Variants in DOCK7 observed in about 807,000 individuals in gnomAD.
DOCK7 encodes the protein dedicator of cytokinesis protein 7.
A neutral mutation model predicts 271.0 loss-of-function variants in DOCK7; 138 were observed. The ratio of observed to expected loss-of-function variants is 0.51; its 90% CI spans 0.44 to 0.59. DOCK7 has a LOEUF of 0.59. DOCK7 is among the 20% of genes least tolerant of loss of function. The pLI is 0.00. For missense variants in DOCK7, 2,066 were observed against 2,592.4 expected, an observed-to-expected ratio of 0.80 and a Z score of 4.41; for synonymous variants, 823 against 876.1, an observed-to-expected ratio of 0.94 and a Z score of 1.07.
In DOCK7 at chr1:62,604,533, G is replaced by GT. The variant is rs1367899596; in HGVS notation, c.1682+14172dup. 5 of 1,263,200 alleles carry GT rather than the reference G, an allele frequency of 4.0e-6. No homozygotes were observed. In the East Asian group the frequency reaches 1.2e-4, roughly 30 times the overall value. 78.2% of individuals were successfully genotyped at this position (1,263,200 alleles called of 1,614,324 possible). On this transcript the variant is annotated intron_variant, in intron 14 of 49. Coordinates refer to ENST00000635253, the MANE Select transcript of DOCK7 (RefSeq NM_001367561.1). ...CTGGGATACATGCATCTAAAACACT[G>GT]TAATATTTATAAGAAAGGAAGATAA...
intron 21 of DOCK7, among the ~76,000 whole-genome samples, chr1:62,553,342 ATATATATATATATTTTTT>A (rs1646001220): frequency 1.2e-4 from 4 of 33,010 alleles, no homozygotes; most frequent in Non-Finnish European, 2.5e-4. Context: ...ATATATATAT[ATATATATATATATTTTTT>A]TTTTTTTTTT....
rs770667571 is a variant in DOCK7, at chr1:62,636,571, C to G, written c.851G>C (p.Ser284Thr). ...TTCCTTGACATCATATAAAGCCAAACTTGCAAAAATGGGTTCAATTTCAAT... is the reference window on the plus strand; with the variant it reads ...TTCCTTGACATCATATAAAGCCAAAGTTGCAAAAATGGGTTCAATTTCAAT... The part of the protein sequence containing the change: ...FEIEIEPIFA[S>T]LALYDVKEKK... The change falls in exon 8 of 50, where the codon AGT becomes ACT. Residue 284 changes from serine (S) to threonine (T), a missense_variant. By Grantham distance (58) the Ser-to-Thr change is moderately conservative (BLOSUM62 1). This residue lies in a region of DOCK7 where 1,414 missense variants were observed against 1,670.4 expected (regional missense o/e 0.85). Transcript: ENST00000635253. The G allele has an allele frequency of 1.2e-6, 2 of 1,603,040 alleles. No homozygotes were observed. Among genetic ancestry groups the G allele is most frequent in the South Asian group, 2.2e-5 (2 of 89,248 alleles).
chr1:62,629,589 G>A (rs1189476723), intron 11 of DOCK7: 1 of 152,178 alleles, frequency 6.6e-6, no homozygotes, highest in Non-Finnish European at 1.5e-5. Flanking sequence ...AAGACTCTGG[G>A]GGAATGAGGA....
intron 14 of DOCK7, chr1:62,598,059 A>G (rs550972659): frequency 1.3e-6 from 2 of 1,580,958 alleles, no homozygotes; most frequent in East Asian, 2.3e-5. Flanking sequence ...AACTTCACTT[A>G]AAGTAAGTAG....
intron 48 of DOCK7, among the ~76,000 whole-genome samples, chr1:62,464,194 G>A (rs1645610001): frequency 6.6e-6 from 1 of 151,752 alleles, no homozygotes; most frequent in Non-Finnish European, 1.5e-5. Flanking sequence ...CGAGTAGCTA[G>A]GATTACAGGC....
chr1:62,629,767 T>C (rs1222462043), intron 11 of DOCK7: 1 of 152,178 alleles, frequency 6.6e-6, no homozygotes, highest in Non-Finnish European at 1.5e-5. Context: ...ACACGTTGTA[T>C]AACAAATCAA....
chr1:62,613,054 A>C (rs1048110358), intron 14 of DOCK7, among the ~76,000 whole-genome samples: 1 of 152,228 alleles, frequency 6.6e-6, no homozygotes, highest in African/African-American at 2.4e-5. Flanking sequence ...GTGGTGATCA[A>C]GTAAAAATTT....
intron 13 of DOCK7, among the ~76,000 whole-genome samples, chr1:62,619,241 G>A (rs1323697914): frequency 2.0e-5 from 3 of 152,092 alleles, no homozygotes; most frequent in African/African-American, 7.2e-5. Flanking sequence ...TTTTTACTCT[G>A]GAATGGTTTG....
At chr1:62,494,517 G>T (rs775504978) in intron 39 of DOCK7, 50 bp from the exon 40 acceptor site, 1 of 1,542,434 alleles carries the variant, frequency 6.5e-7, no homozygotes, top group Admixed American at 1.8e-5. Context: ...CCCAAGCTGG[G>T]AGGGAGTTTA....
chr1:62,580,998 C>G (rs1334666475), intron 16 of DOCK7, among the ~76,000 whole-genome samples: 1 of 152,138 alleles, frequency 6.6e-6, no homozygotes, highest in African/African-American at 2.4e-5. Context: ...TGTTTTTGCA[C>G]TATAATGGCA....
intron 28 of DOCK7, among the ~76,000 whole-genome samples, chr1:62,537,585 C>CAA (rs34404898): frequency 2.8e-5 from 3 of 106,628 alleles, no homozygotes; most frequent in Admixed American, 9.5e-5. Flanking sequence ...GACTCTGTCT[C>CAA]AAAAAAAAAA....
At chr1:62,527,852 A>G (rs1024736643) in intron 31 of DOCK7, among the ~76,000 whole-genome samples, 4 of 138,056 alleles carry the variant, frequency 2.9e-5, no homozygotes, top group East Asian at 2.2e-4. Context: ...TGTTGTGCAC[A>G]TGTACCCTAA....
chr1:62,569,398 T>C (rs561407187), intron 18 of DOCK7, among the ~76,000 whole-genome samples: 1 of 152,178 alleles, frequency 6.6e-6, no homozygotes, highest in South Asian at 2.1e-4. Context: ...CATGATCAAG[T>C]AGGCTTCAAC....
intron 2 of DOCK7, among the ~76,000 whole-genome samples, chr1:62,654,421 AT>A (rs1173450396): frequency 6.6e-6 from 1 of 152,144 alleles, no homozygotes; most frequent in African/African-American, 2.4e-5. Flanking sequence ...ACTAGTAAGA[AT>A]TAACAGTTTT....
intron 10 of DOCK7, 38 bp from the exon 11 acceptor site, chr1:62,631,443 T>G: frequency 6.6e-7 from 1 of 1,506,770 alleles, no homozygotes; most frequent in Non-Finnish European, 8.9e-7. Context: ...TGATTATACT[T>G]GAAAGAAATC....
chr1:62,597,398 GGAA>G (rs1649414395), intron 14 of DOCK7: 2 of 639,946 alleles, frequency 3.1e-6, no homozygotes, highest in South Asian at 4.3e-5. Flanking sequence ...AACTCAATGT[GGAA>G]GAAGGTTACA....
At chr1:62,589,038 A>C (rs933652770) in intron 14 of DOCK7, among the ~76,000 whole-genome samples, 38 of 152,330 alleles carry the variant, frequency 2.5e-4, no homozygotes, top group African/African-American at 8.9e-4. Context: ...CACAGTCCCC[A>C]GCCCACCTAA....
chr1:62,520,146 C>T (rs1644802597), intron 31 of DOCK7, among the ~76,000 whole-genome samples: 2 of 152,094 alleles, frequency 1.3e-5, no homozygotes, highest in Admixed American at 6.6e-5. Context: ...ACCATAAAAA[C>T]CCTTGAAGAA....
chr1:62,559,273 C>T, intron 19 of DOCK7, 53 bp from the exon 20 acceptor site: 1 of 1,446,194 alleles, frequency 6.9e-7, no homozygotes, highest in Middle Eastern at 1.8e-4. Context: ...TATAAATTTC[C>T]CACTTCTAAA....
Sources: gnomAD v4.1 joint callset for allele counts (sites outside exome capture counted in the v4.1 genomes callset) on GRCh38, gnomAD v4.1.1 for gene constraint, gnomAD v4.1.1 regional missense constraint, MANE v1.5 for transcripts, NCBI Gene and HGNC (gene_info 2026-07-23, HGNC 2026-07-21) for gene names.